Variants in CNTNAP2 observed in about 807,000 individuals in gnomAD.
CNTNAP2 encodes contactin associated protein 2.
Under a neutral mutation model 155.2 loss-of-function variants are expected in CNTNAP2, and 98 were observed. The ratio of observed to expected loss-of-function variants is 0.63; its 90% CI spans 0.54 to 0.75. CNTNAP2 has a LOEUF of 0.75. Ranked by LOEUF, CNTNAP2 falls within the 30% of genes least tolerant of loss-of-function variation. CNTNAP2 has a pLI of 0.00. For missense variants in CNTNAP2, 1,727 were observed against 1,688.1 expected (o/e 1.02, Z -0.40); for synonymous variants, 651 against 631.2 (o/e 1.03, Z -0.47).
chr7:147,803,346 A>G (rs1798037936), intron 13 of CNTNAP2, among the ~76,000 whole-genome samples: 1 of 152,184 alleles, frequency 6.6e-6, no homozygotes, highest in South Asian at 2.1e-4. Context: ...TGTGTTTTGT[A>G]TTCATAGAAA....
At chr7:146,414,335 G>A (rs1273417467) in intron 1 of CNTNAP2, among the ~76,000 whole-genome samples, 5 of 152,142 alleles carry the variant, frequency 3.3e-5, no homozygotes, top group Admixed American at 1.3e-4. Context: ...AGCCCACATA[G>A]GATTGTTTTA....
At chr7:146,936,719 C>G (rs1056610485) in intron 3 of CNTNAP2, among the ~76,000 whole-genome samples, 1 of 152,170 alleles carries the variant, frequency 6.6e-6, no homozygotes, top group Non-Finnish European at 1.5e-5. Flanking sequence ...CATACTTCAA[C>G]CAGTCATAGA....
intron 15 of CNTNAP2, among the ~76,000 whole-genome samples, chr7:148,016,111 C>T (rs182987791): frequency 7.2e-5 from 11 of 152,338 alleles, no homozygotes; most frequent in Admixed American, 2.0e-4. Flanking sequence ...TGTTAAAGCA[C>T]ATGCCCTGGC....
chr7:147,251,452 A>AGGTAGGTT (rs1804196302), intron 8 of CNTNAP2, among the ~76,000 whole-genome samples: 1 of 152,166 alleles, frequency 6.6e-6, no homozygotes, highest in African/African-American at 2.4e-5. Flanking sequence ...GTAGGTAGGT[A>AGGTAGGTT]GGTAGGTAGG....
intron 14 of CNTNAP2, among the ~76,000 whole-genome samples, chr7:147,967,866 A>G (rs1324279768): frequency 6.6e-6 from 1 of 152,220 alleles, no homozygotes; most frequent in Admixed American, 6.5e-5. Flanking sequence ...CTAATTAAAT[A>G]TTAATTTCTA....
chr7:146,928,521 T>G (rs1002824315), intron 3 of CNTNAP2, among the ~76,000 whole-genome samples: 3 of 151,994 alleles, frequency 2.0e-5, no homozygotes, highest in Non-Finnish European at 2.9e-5. Flanking sequence ...AGAAGACGGG[T>G]GATTTCTGCA....
intron 21 of CNTNAP2, among the ~76,000 whole-genome samples, chr7:148,292,204 T>G (rs1293229492): frequency 6.6e-6 from 1 of 152,170 alleles, no homozygotes; most frequent in African/African-American, 2.4e-5. Context: ...AGAAGGAAGA[T>G]TTTTCTCTCT....
At chr7:147,709,901 T>C (rs1796377458) in intron 13 of CNTNAP2, among the ~76,000 whole-genome samples, 4 of 152,166 alleles carry the variant, frequency 2.6e-5, no homozygotes, top group Admixed American at 2.6e-4. Flanking sequence ...TTTCTTTTGC[T>C]CCTTTATGTC....
chr7:146,674,467 A>G (rs571306825), intron 1 of CNTNAP2, among the ~76,000 whole-genome samples: 1 of 151,876 alleles, frequency 6.6e-6, no homozygotes, highest in South Asian at 2.1e-4. Context: ...AATTTGATGG[A>G]CTTTAAACCT....
intron 9 of CNTNAP2, among the ~76,000 whole-genome samples, chr7:147,318,927 CAA>C (rs1297836325): frequency 6.6e-6 from 1 of 151,828 alleles, no homozygotes; most frequent in Non-Finnish European, 1.5e-5. Context: ...TTTACATAGA[CAA>C]GAGTTTCATG....
intron 9 of CNTNAP2, among the ~76,000 whole-genome samples, chr7:147,328,145 G>A (rs1232792279): frequency 6.6e-6 from 1 of 152,130 alleles, no homozygotes; most frequent in Non-Finnish European, 1.5e-5. Flanking sequence ...GGCTACTTCA[G>A]TCATATTTTT....
chr7:147,151,418 A>G (rs1379027628), intron 8 of CNTNAP2, among the ~76,000 whole-genome samples: 1 of 152,204 alleles, frequency 6.6e-6, no homozygotes, highest in African/African-American at 2.4e-5. Flanking sequence ...GTAAAGTCAC[A>G]TATATCTAGC....
At chr7:148,353,653 T>TCACA (rs10700397) in intron 21 of CNTNAP2, among the ~76,000 whole-genome samples, 64 of 150,822 alleles carry the variant, frequency 4.2e-4, no homozygotes, top group East Asian at 3.9e-3. Context: ...GAGTGAGTTT[T>TCACA]CACACACACA....
chr7:147,825,082 T>C (rs1798425956), intron 13 of CNTNAP2, among the ~76,000 whole-genome samples: 1 of 152,228 alleles, frequency 6.6e-6, no homozygotes, highest in South Asian at 2.1e-4. Context: ...ATGTATCAAA[T>C]ATTTACCTAA....
intron 21 of CNTNAP2, among the ~76,000 whole-genome samples, chr7:148,282,055 C>A (rs781128836): frequency 1.3e-5 from 2 of 152,038 alleles, no homozygotes; most frequent in African/African-American, 4.8e-5. Flanking sequence ...GATCTCCTGA[C>A]CTCATGATCC....
At chr7:148,283,329 A>G (rs1242563234) in intron 21 of CNTNAP2, among the ~76,000 whole-genome samples, 2 of 129,690 alleles carry the variant, frequency 1.5e-5, no homozygotes, top group Non-Finnish European at 3.3e-5. Flanking sequence ...GGAAAGAAAG[A>G]AAGAATTCTT....
intron 21 of CNTNAP2, among the ~76,000 whole-genome samples, chr7:148,313,539 G>A (rs1199657073): frequency 6.6e-6 from 1 of 152,170 alleles, no homozygotes; most frequent in African/African-American, 2.4e-5. Context: ...AGAAGGTTCT[G>A]GAGGAATCCC....
chr7:147,337,898 AC>A (rs1401508616), intron 9 of CNTNAP2, among the ~76,000 whole-genome samples: 5 of 152,262 alleles, frequency 3.3e-5, no homozygotes, highest in African/African-American at 9.6e-5. Context: ...CCCTGACCTT[AC>A]TGATAAAATT....
intron 5 of CNTNAP2, among the ~76,000 whole-genome samples, chr7:147,114,748 C>G (rs1351745226): frequency 1.3e-5 from 2 of 152,142 alleles, no homozygotes. Context: ...ACCATTGGGT[C>G]TTGGCTCTTT....
Sources: allele counts gnomAD v4.1 joint callset (sites outside exome capture counted in the v4.1 genomes callset), GRCh38; gene constraint gnomAD v4.1.1; transcripts MANE v1.5; gene names NCBI Gene and HGNC (gene_info 2026-07-23, HGNC 2026-07-21).